RUFY3: variants seen among roughly 807,000 people sequenced by gnomAD.
RUFY3 encodes the protein RUN and FYVE domain containing 3, also known as protein RUFY3.
Under a neutral mutation model 84.0 loss-of-function variants are expected in RUFY3, and 34 were observed. The ratio of observed to expected loss-of-function variants is 0.40; its 90% confidence interval spans 0.31 to 0.54. RUFY3 has a LOEUF of 0.54. Among genes scored for constraint, RUFY3 ranks in the 20% least tolerant of loss-of-function variants. RUFY3 has a pLI of 0.39. For missense variants in RUFY3, 507 were observed against 736.8 expected, an observed-to-expected ratio of 0.69 and a Z score of 3.61; for synonymous variants, 242 against 252.9, an observed-to-expected ratio of 0.96 and a Z score of 0.41.
chr4:70,744,439 G>A (rs562358983), intron 1 of RUFY3, among the ~76,000 whole-genome samples: 1 of 151,334 alleles, frequency 6.6e-6, no homozygotes, highest in East Asian at 2.0e-4. Flanking sequence ...AGGCTCAAAC[G>A]ATCCTCCCAC....
chr4:70,768,441 T>G, intron 4 of RUFY3, 97 bp from the exon 5 acceptor site: 1 of 1,102,450 alleles, frequency 9.1e-7, no homozygotes, highest in Non-Finnish European at 1.3e-6. Context: ...TCAACCATGA[T>G]GACTATGATT....
chr4:70,758,096 T>G (rs1305397823), intron 1 of RUFY3, among the ~76,000 whole-genome samples: 3 of 152,156 alleles, frequency 2.0e-5, no homozygotes, highest in African/African-American at 7.2e-5. Flanking sequence ...AGTATTCAGC[T>G]CAGTACAATG....
At position 70,794,866 on chromosome 4, in the gene RUFY3, G is replaced by A. The variant is rs2148810245; in HGVS notation, c.1529G>A (p.Arg510Lys). Reference protein sequence around the residue: ...RLQNDRSIPGRGSQKSESKMD... With the variant: ...RLQNDRSIPGKGSQKSESKMD... ...CAAAACGACAGGAGCATCCCAGGAA[G>A]GGGTTCCCAGAAGTCAGAATCCAAG... The change falls in exon 14 of 18, where the codon AGG (arginine) becomes AAG (lysine). Residue 510 changes from arginine to lysine, a missense_variant. Transcript: ENST00000381006. 1 of 1,611,086 alleles carries A rather than the reference G, an allele frequency of 6.2e-7. No homozygotes were observed. Among genetic ancestry groups the A allele is most frequent in the Non-Finnish European group, 8.5e-7 (1 of 1,177,792 alleles).
chr4:70,780,711 T>C (rs1376911107), intron 8 of RUFY3, among the ~76,000 whole-genome samples: 2 of 152,246 alleles, frequency 1.3e-5, no homozygotes, highest in Non-Finnish European at 2.9e-5. Flanking sequence ...AATGAAATGA[T>C]TTAATACATG....
chr4:70,761,300 C>T (rs1401960243), intron 1 of RUFY3, among the ~76,000 whole-genome samples: 1 of 151,962 alleles, frequency 6.6e-6, no homozygotes, highest in Non-Finnish European at 1.5e-5. Flanking sequence ...GCTTTAGCAC[C>T]GGAAAGAAGG....
intron 5 of RUFY3, among the ~76,000 whole-genome samples, chr4:70,769,575 AT>A (rs1726600857): frequency 6.6e-6 from 1 of 152,124 alleles, no homozygotes; most frequent in Non-Finnish European, 1.5e-5. Flanking sequence ...GGCTGTGGCA[AT>A]TTCTTAAAAT....
chr4:70,752,015 A>G (rs1425778685), intron 1 of RUFY3, among the ~76,000 whole-genome samples: 1 of 152,164 alleles, frequency 6.6e-6, no homozygotes, highest in Non-Finnish European at 1.5e-5. Flanking sequence ...TCCTGACCTC[A>G]AGTGATCCAC....
intron 10 of RUFY3, among the ~76,000 whole-genome samples, chr4:70,788,008 C>T (rs1379903622): frequency 1.3e-5 from 2 of 151,994 alleles, no homozygotes; most frequent in East Asian, 1.9e-4. Flanking sequence ...TGTTAGCGGC[C>T]GAGTGTGGTG....
chr4:70,741,582 A>G (rs1352077954), intron 1 of RUFY3: 13 of 1,485,040 alleles, frequency 8.8e-6, no homozygotes, highest in Middle Eastern at 1.7e-4. Flanking sequence ...CTGGGCTTGC[A>G]TGACATTTTA....
chr4:70,766,484 A>T (rs1304761791), intron 4 of RUFY3, among the ~76,000 whole-genome samples: 4 of 152,152 alleles, frequency 2.6e-5, no homozygotes, highest in African/African-American at 4.8e-5. Flanking sequence ...ACCTCAAGTG[A>T]TCCACCTGCC....
At chr4:70,747,475 C>T (rs958879448) in intron 1 of RUFY3, among the ~76,000 whole-genome samples, 3 of 150,024 alleles carry the variant, frequency 2.0e-5, no homozygotes, top group South Asian at 2.1e-4. Flanking sequence ...TCCATTTGTA[C>T]GGTAGCCACT....
intron 1 of RUFY3, among the ~76,000 whole-genome samples, chr4:70,749,079 T>C (rs1211178730): frequency 6.6e-6 from 1 of 152,214 alleles, no homozygotes; most frequent in Non-Finnish European, 1.5e-5. Flanking sequence ...TTTCTTTTCT[T>C]TTCTTTTTTT....
At chr4:70,749,641 T>G (rs1192913638) in intron 1 of RUFY3, among the ~76,000 whole-genome samples, 2 of 151,524 alleles carry the variant, frequency 1.3e-5, no homozygotes, top group South Asian at 2.1e-4. Flanking sequence ...GCAGAATTAC[T>G]TTTTTCTTGT....
At chr4:70,784,986 A>G (rs1729550282) in intron 10 of RUFY3, 107 bp downstream of exon 10, 1 of 641,212 alleles carries the variant, frequency 1.6e-6, no homozygotes. Context: ...TAGTGTTCTG[A>G]AAAATTCTAG....
intron 4 of RUFY3, among the ~76,000 whole-genome samples, chr4:70,768,187 C>T (rs1479916901): frequency 2.0e-5 from 3 of 152,280 alleles, no homozygotes; most frequent in Admixed American, 6.5e-5. Context: ...TCTGATGGTG[C>T]ATCACAAGTA....
At chr4:70,759,970 C>A (rs1724748000) in intron 1 of RUFY3, among the ~76,000 whole-genome samples, 2 of 151,760 alleles carry the variant, frequency 1.3e-5, no homozygotes, top group African/African-American at 4.9e-5. Context: ...GAACAGAGCC[C>A]CATAAAAATG....
intron 14 of RUFY3, among the ~76,000 whole-genome samples, chr4:70,798,292 C>T (rs1159149242): frequency 6.6e-6 from 1 of 151,916 alleles, no homozygotes; most frequent in Non-Finnish European, 1.5e-5. Context: ...TCACTTGAGC[C>T]CAGGAGGTTG....
chr4:70,733,163 AG>A (rs1298666342), intron 1 of RUFY3, among the ~76,000 whole-genome samples: 47 of 143,566 alleles, frequency 3.3e-4, no homozygotes, highest in African/African-American at 1.1e-3. Flanking sequence ...AGAGAGAGAG[AG>A]AGAAAGAAAG....
Position 70,785,548 on chromosome 4 carries a change from G to T in RUFY3, c.1071+669G>T, listed in dbSNP as rs564984208. On this transcript the variant is annotated intron_variant, in intron 10 of 17. Coordinates refer to ENST00000381006, the MANE Select transcript of RUFY3 (RefSeq NM_001037442.4). ...GTTGTCTTAAAAAATTAAAAATCGG[G>T]CCAGGCACAGTGGCTCACACCTGTA... Among the ~76,000 whole-genome samples the T allele has an allele frequency of 2.0e-5, 3 of 152,122 alleles. No individual in the cohort carries two copies. In the South Asian group the frequency reaches 6.2e-4, roughly 32 times the overall value.
Sources: gnomAD v4.1 joint callset for allele counts (sites outside exome capture counted in the v4.1 genomes callset) on GRCh38, gnomAD v4.1.1 for gene constraint, MANE v1.5 for transcripts, NCBI Gene and HGNC (gene_info 2026-07-23, HGNC 2026-07-21) for gene names.